FHL1: variants seen among roughly 807,000 people sequenced by gnomAD.
FHL1 encodes four and a half LIM domains protein 1.
Under a neutral mutation model 20.3 loss-of-function variants are expected in FHL1, and 1 was observed. The ratio of observed to expected loss-of-function variants is 0.05; its 90% CI spans 0.02 to 0.23. The LOEUF is 0.23. Ranked by LOEUF, FHL1 falls within the 10% of genes least tolerant of loss-of-function variation. The pLI is 1.00. For missense variants in FHL1, 177 were observed against 234.0 expected, an observed-to-expected ratio of 0.76 and a Z score of 1.59; for synonymous variants, 82 against 88.9, an observed-to-expected ratio of 0.92 and a Z score of 0.44.
intron 1 of FHL1, among the ~76,000 whole-genome samples, chrX:136,203,539 C>A (rs767086355): frequency 1.8e-5 from 2 of 112,230 alleles, no homozygotes; most frequent in African/African-American, 6.5e-5. Context: ...TGGCCAGTGA[C>A]TTCATTGTCT....
At chrX:136,201,874 T>A (rs2073719532) in intron 1 of FHL1, among the ~76,000 whole-genome samples, 1 of 111,730 alleles carries the variant, frequency 9.0e-6, no homozygotes, top group Non-Finnish European at 1.9e-5. Context: ...AGCAATTGTT[T>A]CCTTCAATGA....
intron 2 of FHL1, among the ~76,000 whole-genome samples, chrX:136,183,778 T>G (rs1289230449): frequency 9.0e-6 from 1 of 111,413 alleles, no homozygotes; most frequent in Non-Finnish European, 1.9e-5. Flanking sequence ...AGTGGAAAGT[T>G]TTTTAGATTT....
chrX:136,147,334 CCCGCGCGCGCG>C (rs1450598656), upstream of FHL1: 1 of 12,913 alleles, frequency 7.7e-5, no homozygotes, highest in African/African-American at 2.5e-4. Context: ...CCGGCCGTCT[CCCGCGCGCGCG>C]CCCCGCACAC....
chrX:136,206,650 AC>A, intron 2 of FHL1, 62 bp downstream of exon 2: 2 of 1,176,795 alleles, frequency 1.7e-6, no homozygotes, highest in Admixed American at 4.3e-5. Flanking sequence ...TTTGCCCACA[AC>A]CATGGCAGCA....
chrX:136,196,837 T>C, upstream of FHL1: 2 of 1,167,377 alleles, frequency 1.7e-6, no homozygotes, highest in Non-Finnish European at 2.3e-6. Flanking sequence ...GCTCTGGAGC[T>C]AATTTGGATG....
upstream of FHL1, chrX:136,196,655 C>T (rs556924754): frequency 6.6e-6 from 3 of 452,595 alleles, no homozygotes; most frequent in South Asian, 1.1e-4. Context: ...AAGTCTATCT[C>T]TTAGAGTTAC....
intron 2 of FHL1, among the ~76,000 whole-genome samples, chrX:136,180,583 C>T (rs1269973876): frequency 8.9e-6 from 1 of 111,854 alleles, no homozygotes; most frequent in Non-Finnish European, 1.9e-5. Flanking sequence ...ATAGACATGT[C>T]TCAGAGGTTT....
At chrX:136,167,256 A>T (rs901985921), upstream of FHL1, among the ~76,000 whole-genome samples, 1 of 111,510 alleles carries the variant, frequency 9.0e-6, no homozygotes, top group African/African-American at 3.3e-5. Context: ...CTCAGGCTGG[A>T]GTGCAGTGGT....
Position 136,208,558 on chromosome X carries a change from C to T in FHL1, c.653C>T (p.Ala218Val). The stretch of plus-strand genomic sequence containing the variant: ...AAGCTGGCTGGGCAGCGTTTCACCG[C>T]TGTGGAGGACCAGTATTACTGCGTG... ...SKKLAGQRFT[A>V]VEDQYYCVDC... The change falls in exon 5 of 6, where the codon GCT (alanine) becomes GTT (valine). Residue 218 changes from alanine to valine, a missense_variant. Ala to Val is a moderately conservative substitution (Grantham distance 64). Coordinates refer to ENST00000370683, the MANE Select transcript of FHL1 (RefSeq NM_001159699.2). 5 of 1,211,387 alleles carry T rather than the reference C, an allele frequency of 4.1e-6. No homozygotes were observed. The highest frequency in any genetic ancestry group is 5.6e-6 in the Non-Finnish European group (5 of 895,237).
intron 2 of FHL1, among the ~76,000 whole-genome samples, chrX:136,175,057 A>G (rs1479859872): frequency 8.9e-6 from 1 of 112,436 alleles, no homozygotes; most frequent in African/African-American, 3.2e-5. Flanking sequence ...ATGACAAGAT[A>G]CATAATTTCT....
chrX:136,209,779 G>A (rs1026588152), intron 5 of FHL1, 92 bp from the exon 6 acceptor site: 16 of 1,049,330 alleles, frequency 1.5e-5, no homozygotes, highest in East Asian at 1.3e-4. Context: ...GGGGCAGGTC[G>A]TCATTTTATC....
chrX:136,146,862 G>A, upstream of FHL1: 1 of 329,704 alleles, frequency 3.0e-6, no homozygotes, highest in Non-Finnish European at 5.9e-6. Context: ...CTGGGATTAT[G>A]GATGGGGCTT....
At chrX:136,154,472 A>G (rs1286716563) in intron 1 of FHL1, among the ~76,000 whole-genome samples, 2 of 112,427 alleles carry the variant, frequency 1.8e-5, no homozygotes, top group African/African-American at 3.2e-5. Context: ...AAAATGAAAG[A>G]TGACATTGAA....
At chrX:136,183,741 G>A (rs756025304) in intron 2 of FHL1, among the ~76,000 whole-genome samples, 3 of 111,632 alleles carry the variant, frequency 2.7e-5, no homozygotes, top group South Asian at 7.5e-4. Context: ...AAAATTGATG[G>A]GACCATGTAC....
At chrX:136,172,136 C>T (rs1445932390) in intron 2 of FHL1, among the ~76,000 whole-genome samples, 3 of 111,707 alleles carry the variant, frequency 2.7e-5, no homozygotes, top group East Asian at 2.8e-4. Context: ...TCAAGCGATC[C>T]GCCCTCCTTG....
At chrX:136,193,164 C>A (rs1246814782), upstream of FHL1, among the ~76,000 whole-genome samples, 2 of 110,916 alleles carry the variant, frequency 1.8e-5, no homozygotes, top group Admixed American at 1.9e-4. Flanking sequence ...AGCCTCTTGC[C>A]CCTGGCCATG....
At chrX:136,178,138 TATC>T (rs1399398593) in intron 2 of FHL1, among the ~76,000 whole-genome samples, 2 of 111,856 alleles carry the variant, frequency 1.8e-5, no homozygotes. Flanking sequence ...ATGGCACTTT[TATC>T]ATCATCATTA....
upstream of FHL1, chrX:136,167,872 A>G (rs2072755145): frequency 8.9e-6 from 1 of 112,182 alleles, no homozygotes; most frequent in Admixed American, 9.4e-5. Flanking sequence ...AGGGTGAATT[A>G]GATGAAATAT....
upstream of FHL1, among the ~76,000 whole-genome samples, chrX:136,193,649 C>T (rs5975696): frequency 0.34 from 37,131 of 109,990 alleles, 4,785 homozygotes; most frequent in East Asian, 0.43. Context: ...GGCTCCTTCC[C>T]CTTCTTTCAG....
Sources: allele counts gnomAD v4.1 joint callset (sites outside exome capture counted in the v4.1 genomes callset), GRCh38; gene constraint gnomAD v4.1.1; transcripts MANE v1.5; gene names NCBI Gene and HGNC (gene_info 2026-07-23, HGNC 2026-07-21).